The following MIB1 variants were observed in gnomAD, a reference collection of about 807,000 sequenced individuals.
MIB1 encodes MIB E3 ubiquitin protein ligase 1, also known as E3 ubiquitin-protein ligase MIB1.
In MIB1, 278 loss-of-function variants were observed where a neutral mutation model predicts 124.5. The ratio of observed to expected loss-of-function variants is 2.23; its 90% CI spans 2.02 to 2.47. The LOEUF is 2.47. Ranked by LOEUF, MIB1 falls within the 30% of genes most tolerant of loss-of-function variation. The pLI is 0.00. For synonymous variants in MIB1, 446 were observed against 429.4 expected (o/e 1.04, Z -0.48); for missense variants, 957 against 1,254.4 (o/e 0.76, Z 3.58).
intron 2 of MIB1, among the ~76,000 whole-genome samples, chr18:21,766,741 C>T (rs3017049): frequency 0.46 from 69,213 of 151,894 alleles, 19,201 homozygotes; most frequent in African/African-American, 0.79. Context: ...AATAAAGACA[C>T]TGTAAAAATG....
intron 1 of MIB1, among the ~76,000 whole-genome samples, chr18:21,734,021 G>A (rs974106950): frequency 2.0e-5 from 3 of 151,762 alleles, no homozygotes; most frequent in Non-Finnish European, 4.4e-5. Context: ...CCCCATAAAC[G>A]TCTCATTAAG....
intron 12 of MIB1, among the ~76,000 whole-genome samples, chr18:21,829,680 A>G (rs1302324803): frequency 2.0e-5 from 3 of 152,044 alleles, no homozygotes; most frequent in Non-Finnish European, 2.9e-5. Flanking sequence ...TCATTTGAAA[A>G]TTTGTCATTC....
chr18:21,785,221 GC>G (rs894117247), intron 6 of MIB1, among the ~76,000 whole-genome samples: 6 of 151,820 alleles, frequency 4.0e-5, no homozygotes, highest in Non-Finnish European at 7.4e-5. Context: ...TCCTTACCCT[GC>G]CCCCTTGCCT....
intron 12 of MIB1, among the ~76,000 whole-genome samples, chr18:21,832,624 C>T (rs184331402): frequency 2.0e-5 from 3 of 152,122 alleles, no homozygotes; most frequent in South Asian, 2.1e-4. Context: ...AAAACTATTA[C>T]GAGTTTTCTG....
intron 6 of MIB1, among the ~76,000 whole-genome samples, chr18:21,780,858 A>G (rs900006801): frequency 6.6e-6 from 1 of 152,190 alleles, no homozygotes; most frequent in Non-Finnish European, 1.5e-5. Flanking sequence ...TCTCTTTGAC[A>G]TACTGATATT....
intron 10 of MIB1, 88 bp from the exon 11 acceptor site, chr18:21,815,528 T>G: frequency 1.7e-6 from 2 of 1,185,864 alleles, no homozygotes; most frequent in Non-Finnish European, 2.4e-6. Context: ...TTTCTCAAAT[T>G]AATCTGCTTC....
intron 20 of MIB1, among the ~76,000 whole-genome samples, chr18:21,863,376 C>T (rs180898177): frequency 7.9e-5 from 12 of 152,258 alleles, no homozygotes; most frequent in Non-Finnish European, 1.6e-4. Flanking sequence ...GAGCTCTTGT[C>T]CAGTGTTCAA....
intron 6 of MIB1, among the ~76,000 whole-genome samples, chr18:21,787,745 T>A (rs1438139467): frequency 6.6e-6 from 1 of 152,034 alleles, no homozygotes; most frequent in African/African-American, 2.4e-5. Context: ...GGTGATAATC[T>A]TGGTGCTGGG....
chr18:21,775,753 A>C (rs2041277958), intron 4 of MIB1, among the ~76,000 whole-genome samples: 1 of 152,170 alleles, frequency 6.6e-6, no homozygotes, highest in Non-Finnish European at 1.5e-5. Context: ...CAGGTACTTA[A>C]ATGAATGGTA....
intron 12 of MIB1, chr18:21,826,599 A>G (rs961117990): frequency 6.6e-6 from 1 of 152,042 alleles, no homozygotes; most frequent in Admixed American, 6.6e-5. Context: ...ATTAAAATCT[A>G]TTGTGTGGAT....
intron 1 of MIB1, among the ~76,000 whole-genome samples, chr18:21,748,414 C>T (rs111412460): frequency 0.03 from 3,810 of 125,304 alleles, 87 homozygotes; most frequent in East Asian, 0.076. Context: ...TCCCTCTCTC[C>T]CTCTTTCCCC....
intron 1 of MIB1, among the ~76,000 whole-genome samples, chr18:21,717,482 T>A (rs1450152061): frequency 6.6e-6 from 1 of 152,058 alleles, no homozygotes; most frequent in Non-Finnish European, 1.5e-5. Flanking sequence ...GAGAAAACCT[T>A]AACAATCTAT....
At chr18:21,740,741 G>T (rs2040836775), upstream of MIB1, among the ~76,000 whole-genome samples, 3 of 152,264 alleles carry the variant, frequency 2.0e-5, no homozygotes, top group African/African-American at 7.2e-5. Flanking sequence ...CCCGGGGCTG[G>T]GGTTGGGCAA....
At chr18:21,774,455 G>C (rs1290046038) in intron 4 of MIB1, among the ~76,000 whole-genome samples, 1 of 152,160 alleles carries the variant, frequency 6.6e-6, no homozygotes, top group Non-Finnish European at 1.5e-5. Context: ...GGGTTTGATG[G>C]CATGTGCCTG....
At chr18:21,834,018 T>TG (rs1459238473) in intron 12 of MIB1, among the ~76,000 whole-genome samples, 1 of 152,222 alleles carries the variant, frequency 6.6e-6, no homozygotes, top group African/African-American at 2.4e-5. Flanking sequence ...ATTCTCGAGC[T>TG]GGTAACACCT....
At position 21,741,238 on chromosome 18, in the gene MIB1, G is replaced by C. The variant is rs2146372114; in HGVS notation, c.-346G>C. On this transcript the variant is annotated 5_prime_UTR_variant, in exon 1 of 21. Transcript: ENST00000261537. The surrounding 1 kb of genome is among the most constrained non-coding windows in gnomAD (Gnocchi z 5.4). ...CGCGCTGCCGGCCGGGGGAGAGCGT[G>C]GTTTCCTTGCGGCCGTCGCTGTAGC... 6.5e-6 allele frequency: 1 copy of C among 153,462 alleles called. No individual in the cohort carries two copies. The highest frequency in any genetic ancestry group is 1.9e-4 in the East Asian group (1 of 5,206). The allele number at this position is 153,462 out of a possible 1,614,324, so 9.5% of individuals were successfully genotyped here. A position where few individuals can be genotyped will look rare whatever the true frequency, so the allele number is the denominator to read the frequency against.
At chr18:21,800,740 C>A (rs1024424603) in intron 9 of MIB1, among the ~76,000 whole-genome samples, 2 of 152,018 alleles carry the variant, frequency 1.3e-5, no homozygotes, top group African/African-American at 4.8e-5. Context: ...AAGATGAGAT[C>A]TATAATTGTA....
chr18:21,780,160 T>G (rs760803980), intron 6 of MIB1, among the ~76,000 whole-genome samples: 6 of 152,188 alleles, frequency 3.9e-5, no homozygotes, highest in Non-Finnish European at 1.5e-5. Context: ...ATGTGATATT[T>G]TCATCCATGC....
Position 21,838,485 on chromosome 18 carries a change from G to C in MIB1, c.1950G>C (p.Leu650=), listed in dbSNP as rs1318858643. The change falls in exon 13 of 21, where the codon CTG becomes CTC. Residue 650 remains leucine, a synonymous_variant. Coordinates refer to ENST00000261537, the MANE Select transcript of MIB1 (RefSeq NM_020774.4). Reference sequence around the variant, plus strand: ...ATAATCACGTAGAAGTGGCTGAACTGTTGGTACATCAGGTAAGAAAAGAGT... The same window carrying C: ...ATAATCACGTAGAAGTGGCTGAACTCTTGGTACATCAGGTAAGAAAAGAGT... ...ALNNHVEVAE[L]LVHQGNANLD... is the part of the protein sequence containing the mutation. 4 of 1,600,818 alleles carry C rather than the reference G, an allele frequency of 2.5e-6. No individual in the cohort carries two copies. The highest frequency in any genetic ancestry group is 1.7e-5 in the Admixed American group (1 of 57,658).
Sources: gnomAD v4.1 joint callset for allele counts (sites outside exome capture counted in the v4.1 genomes callset) on GRCh38, gnomAD v4.1.1 for gene constraint, Gnocchi (gnomAD v3.1) non-coding constraint, MANE v1.5 for transcripts, NCBI Gene and HGNC (gene_info 2026-07-23, HGNC 2026-07-21) for gene names.